ABCB7: variants seen among roughly 807,000 people sequenced by gnomAD.
ABCB7 encodes ATP binding cassette subfamily B member 7.
ABCB7 carries 7 observed loss-of-function variants against 54.4 expected under a neutral mutation model. The observed-to-expected ratio is 0.13, with a 90% CI of 0.07 to 0.24. ABCB7 has a LOEUF of 0.24. Ranked by LOEUF, ABCB7 falls within the 10% of genes least tolerant of loss-of-function variation. The pLI is 1.00. For synonymous variants in ABCB7, 218 were observed against 207.1 expected, an observed-to-expected ratio of 1.05 and a Z score of -0.45; for missense variants, 356 against 570.4, an observed-to-expected ratio of 0.62 and a Z score of 3.83.
rs746356506 is a variant in ABCB7, at chrX:75,051,333, C to T, written c.*2037G>A. 4.0e-4 allele frequency among the ~76,000 whole-genome samples: 44 copies of T among 111,177 alleles called. No homozygotes were observed. The highest frequency in any genetic ancestry group is 1.3e-3 in the African/African-American group (41 of 30,618). On this transcript the variant is annotated 3_prime_UTR_variant, in exon 16 of 16. Coordinates refer to ENST00000373394, the MANE Select transcript of ABCB7 (RefSeq NM_001271696.3). ...AGTTAGATAAGTTCAGCTATCCACC[C>T]ACCAATGTCAACAATACTAAAATTA...
At chrX:75,067,938 T>C (rs1288681165) in intron 12 of ABCB7, among the ~76,000 whole-genome samples, 4 of 111,850 alleles carry the variant, frequency 3.6e-5, no homozygotes, top group Non-Finnish European at 7.5e-5. Context: ...AATTAGATTA[T>C]CTAATCCAAT....
chrX:75,152,067 A>G (rs767663843), intron 1 of ABCB7, among the ~76,000 whole-genome samples: 6 of 112,089 alleles, frequency 5.4e-5, no homozygotes, highest in African/African-American at 1.9e-4. Flanking sequence ...TTGGTTTGGT[A>G]TGTCTTGCTC....
chrX:75,100,971 A>T (rs775107856), intron 3 of ABCB7, among the ~76,000 whole-genome samples: 14 of 111,855 alleles, frequency 1.3e-4, no homozygotes, highest in African/African-American at 4.5e-4. Flanking sequence ...ACATACAACA[A>T]AATGCAGCCA....
chrX:75,124,410 CCATT>C (rs1199107486), intron 1 of ABCB7, among the ~76,000 whole-genome samples: 1 of 111,795 alleles, frequency 8.9e-6, no homozygotes, highest in Non-Finnish European at 1.9e-5. Context: ...TTCATTGTTC[CCATT>C]CAAATAGGTT....
chrX:75,076,740 T>C (rs1249958264), intron 4 of ABCB7, 86 bp from the exon 5 acceptor site: 1 of 1,003,089 alleles, frequency 1.0e-6, no homozygotes, highest in Non-Finnish European at 1.4e-6. Context: ...TTAGTACTTA[T>C]GGTAATGTTT....
intron 1 of ABCB7, among the ~76,000 whole-genome samples, chrX:75,118,690 T>C: frequency 9.0e-6 from 1 of 111,618 alleles, no homozygotes; most frequent in East Asian, 2.8e-4. Flanking sequence ...GTAATAACTA[T>C]ATAGGAAATA....
At chrX:75,128,908 G>A (rs954819866) in intron 1 of ABCB7, among the ~76,000 whole-genome samples, 22 of 111,711 alleles carry the variant, frequency 2.0e-4, no homozygotes, top group African/African-American at 5.5e-4. Flanking sequence ...ACCATCCCAC[G>A]CCAGTTAGAA....
At chrX:75,091,130 T>C (rs2081540861) in intron 4 of ABCB7, among the ~76,000 whole-genome samples, 1 of 110,964 alleles carries the variant, frequency 9.0e-6, no homozygotes, top group Admixed American at 9.6e-5. Flanking sequence ...ACCATTCTAA[T>C]ATCAAAACCA....
At chrX:75,148,456 T>G (rs1302685069) in intron 1 of ABCB7, among the ~76,000 whole-genome samples, 3 of 109,391 alleles carry the variant, frequency 2.7e-5, no homozygotes, top group Non-Finnish European at 5.7e-5. Flanking sequence ...TGCATATACA[T>G]ACACACACAT....
At chrX:75,138,385 C>G (rs754647289) in intron 1 of ABCB7, among the ~76,000 whole-genome samples, 50 of 112,196 alleles carry the variant, frequency 4.5e-4, no homozygotes, top group Non-Finnish European at 3.8e-5. Flanking sequence ...AGCCTGGCAA[C>G]TGTATTGTTC....
chrX:75,117,136 C>T (rs979925143), intron 1 of ABCB7, among the ~76,000 whole-genome samples: 2 of 111,098 alleles, frequency 1.8e-5, no homozygotes, highest in South Asian at 3.9e-4. Flanking sequence ...TAAGGACTTG[C>T]CCTGAATTCT....
intron 1 of ABCB7, among the ~76,000 whole-genome samples, chrX:75,150,837 TAATTA>T (rs2082126129): frequency 8.9e-6 from 1 of 111,800 alleles, no homozygotes; most frequent in African/African-American, 3.2e-5. Flanking sequence ...TGTATAACAA[TAATTA>T]AATGATCAAT....
At position 75,115,075 on chromosome X, in the gene ABCB7, C is replaced by G. The variant is rs1396159108; in HGVS notation, c.169-244G>C. Among the ~76,000 whole-genome samples, 4 of 109,118 alleles carry G rather than the reference C, an allele frequency of 3.7e-5. No homozygotes were observed. The East Asian group carries it at 1.2e-3, about 31-fold the overall frequency. 94.8% of individuals were successfully genotyped at this position (109,118 alleles called of 115,157 possible). A position where few individuals can be genotyped will look rare whatever the true frequency, so the allele number is the denominator to read the frequency against. On this transcript the variant is annotated intron_variant, in intron 1 of 15. Transcript: ENST00000373394. ...ACGAGGTCTGGAGATCGAGACCATC[C>G]TGGCCAACATGGTGAAACCCCGTCT... is the stretch of plus-strand genomic sequence containing the variant.
chrX:75,069,479 C>A (rs775967958), intron 10 of ABCB7, 25 bp from the exon 11 acceptor site: 28 of 1,191,451 alleles, frequency 2.4e-5, no homozygotes, highest in Admixed American at 6.6e-5. Flanking sequence ...AAAAAAAAAG[C>A]CACTTTACGC....
chrX:75,101,922 T>C (rs1217953067), intron 3 of ABCB7, among the ~76,000 whole-genome samples: 1 of 112,055 alleles, frequency 8.9e-6, no homozygotes, highest in Non-Finnish European at 1.9e-5. Context: ...TATGTAATCA[T>C]GCATTATGAG....
Position 75,087,769 on chromosome X carries a change from G to A in ABCB7, c.454-11115C>T, listed in dbSNP as rs779647048. 2.7e-5 allele frequency among the ~76,000 whole-genome samples: 3 copies of A among 112,251 alleles called. No homozygotes were observed. The East Asian group carries it at 8.4e-4, about 31-fold the overall frequency. The stretch of plus-strand genomic sequence containing the variant: ...TATAAACATGGAAAGGTATGACATA[G>A]AAAGGGACTATATGTCATTGTCATT... On this transcript the variant is annotated intron_variant, in intron 4 of 15. Transcript: ENST00000373394.
intron 1 of ABCB7, among the ~76,000 whole-genome samples, chrX:75,136,853 G>C (rs759853043): frequency 8.0e-5 from 9 of 111,968 alleles, no homozygotes; most frequent in Non-Finnish European, 1.7e-4. Flanking sequence ...ATGAAAATGG[G>C]CCCCTATCTT....
chrX:75,115,171 A>G (rs1255514827), intron 1 of ABCB7, among the ~76,000 whole-genome samples: 8 of 102,137 alleles, frequency 7.8e-5, no homozygotes, highest in Admixed American at 7.6e-4. Flanking sequence ...AGGAGGTTGA[A>G]GCAGGAGAAT....
chrX:75,122,957 A>T (rs1485502265), intron 1 of ABCB7, among the ~76,000 whole-genome samples: 1 of 106,564 alleles, frequency 9.4e-6, no homozygotes, highest in African/African-American at 3.4e-5. Flanking sequence ...GTGATTTGCA[A>T]ATATTTTCTC....
Sources: gnomAD v4.1 joint callset for allele counts (sites outside exome capture counted in the v4.1 genomes callset) on GRCh38, gnomAD v4.1.1 for gene constraint, MANE v1.5 for transcripts, NCBI Gene and HGNC (gene_info 2026-07-23, HGNC 2026-07-21) for gene names.